Variants in SSBP2 observed in about 807,000 individuals in gnomAD.
SSBP2 encodes single stranded DNA binding protein 2.
Under a neutral mutation model 61.8 loss-of-function variants are expected in SSBP2, and 17 were observed. That is an observed-to-expected ratio of 0.28 (90% CI 0.19 to 0.41). The LOEUF is 0.41. Among genes scored for constraint, SSBP2 ranks in the 10% least tolerant of loss-of-function variants. The pLI is 1.00. For synonymous variants in SSBP2, 139 were observed against 141.3 expected, an observed-to-expected ratio of 0.98 and a Z score of 0.12; for missense variants, 310 against 458.7, an observed-to-expected ratio of 0.68 and a Z score of 2.96.
intron 3 of SSBP2, among the ~76,000 whole-genome samples, chr5:81,633,607 G>A (rs1042407306): frequency 5.3e-5 from 8 of 152,074 alleles, no homozygotes; most frequent in Non-Finnish European, 1.0e-4. Context: ...CTGGGTTCAA[G>A]TGATCCTCCC....
At chr5:81,686,888 GAAA>G (rs1752847337) in intron 1 of SSBP2, among the ~76,000 whole-genome samples, 1 of 125,288 alleles carries the variant, frequency 8.0e-6, no homozygotes, top group South Asian at 2.8e-4. Flanking sequence ...GAAAAGAAAA[GAAA>G]AGAAAAGAAA....
At chr5:81,601,307 C>G (rs1487108811) in intron 4 of SSBP2, among the ~76,000 whole-genome samples, 1 of 152,068 alleles carries the variant, frequency 6.6e-6, no homozygotes, top group Non-Finnish European at 1.5e-5. Context: ...GGGTTAGGAA[C>G]AAGTTGGTAA....
intron 8 of SSBP2, among the ~76,000 whole-genome samples, chr5:81,469,086 T>C (rs541277965): frequency 1.3e-5 from 2 of 152,116 alleles, no homozygotes; most frequent in Admixed American, 6.6e-5. Flanking sequence ...AGAAGATCTC[T>C]GTTTTATTTT....
At chr5:81,537,653 C>T (rs1770914829) in intron 4 of SSBP2, among the ~76,000 whole-genome samples, 1 of 152,104 alleles carries the variant, frequency 6.6e-6, no homozygotes, top group Non-Finnish European at 1.5e-5. Context: ...TCTTGTAATA[C>T]TTTATCATTA....
In SSBP2 at chr5:81,417,692, T is replaced by G. The variant is rs1291144669; in HGVS notation, c.*2812A>C. 6.6e-6 allele frequency: 1 copy of G among 152,192 alleles called. No homozygotes were observed. The highest frequency in any genetic ancestry group is 1.5e-5 in the Non-Finnish European group (1 of 68,026). 9.4% of individuals were successfully genotyped at this position (152,192 alleles called of 1,614,324 possible). Reference sequence around the variant, plus strand: ...AAATTAATATACAGATATACTGTCTTCCATTCAGTGCATGAAAGAATTATC... The same window carrying G: ...AAATTAATATACAGATATACTGTCTGCCATTCAGTGCATGAAAGAATTATC... On this transcript the variant is annotated 3_prime_UTR_variant, in exon 17 of 17. Transcript: ENST00000320672.
At chr5:81,664,720 T>A (rs1750968532) in intron 1 of SSBP2, among the ~76,000 whole-genome samples, 1 of 152,174 alleles carries the variant, frequency 6.6e-6, no homozygotes. Flanking sequence ...CAAACAGGAA[T>A]TTTTTAGAAA....
At chr5:81,711,332 C>A (rs1258537231) in intron 1 of SSBP2, among the ~76,000 whole-genome samples, 1 of 151,942 alleles carries the variant, frequency 6.6e-6, no homozygotes, top group East Asian at 1.9e-4. Context: ...TCCAAATATA[C>A]CAAAATATAA....
chr5:81,495,737 A>G (rs144844758), intron 5 of SSBP2, among the ~76,000 whole-genome samples: 29 of 152,348 alleles, frequency 1.9e-4, no homozygotes, highest in Admixed American at 8.5e-4. Flanking sequence ...GTAGCAATAT[A>G]TAAGTCACCT....
At chr5:81,663,922 G>A (rs904124548) in intron 1 of SSBP2, among the ~76,000 whole-genome samples, 6 of 152,120 alleles carry the variant, frequency 3.9e-5, no homozygotes, top group African/African-American at 1.4e-4. Flanking sequence ...AATAAGGCAT[G>A]CAAATTAATG....
intron 2 of SSBP2, among the ~76,000 whole-genome samples, chr5:81,646,222 G>C (rs11957810): frequency 0.33 from 49,706 of 151,926 alleles, 8,638 homozygotes; most frequent in Middle Eastern, 0.56. Flanking sequence ...TTAACATCAC[G>C]GTCCTTCTTA....
intron 1 of SSBP2, among the ~76,000 whole-genome samples, chr5:81,687,151 G>A (rs1343910823): frequency 6.6e-6 from 1 of 152,206 alleles, no homozygotes; most frequent in Non-Finnish European, 1.5e-5. Context: ...CGATCACCCG[G>A]CAGCGGCCGC....
intron 2 of SSBP2, among the ~76,000 whole-genome samples, chr5:81,638,949 A>C (rs1259002750): frequency 6.6e-6 from 1 of 152,188 alleles, no homozygotes; most frequent in Non-Finnish European, 1.5e-5. Flanking sequence ...ATCACCATTA[A>C]AATATCATTC....
chr5:81,508,498 G>A (rs1003006382), intron 5 of SSBP2, among the ~76,000 whole-genome samples: 2 of 152,042 alleles, frequency 1.3e-5, no homozygotes, highest in African/African-American at 2.4e-5. Flanking sequence ...AGCAACAGAG[G>A]CTCTCTCATT....
intron 8 of SSBP2, among the ~76,000 whole-genome samples, chr5:81,470,011 A>G (rs1765145199): frequency 6.6e-6 from 1 of 151,928 alleles, no homozygotes; most frequent in Non-Finnish European, 1.5e-5. Context: ...CCCTGTACTG[A>G]GCTAAATTCT....
At position 81,465,140 on chromosome 5, in the gene SSBP2, T is replaced by C. The variant is rs2154007052; in HGVS notation, c.638+1834A>G. Among the ~76,000 whole-genome samples the C allele has an allele frequency of 1.3e-5, 2 of 152,070 alleles. 1 individual carries two copies. Among genetic ancestry groups the C allele is most frequent in the South Asian group, 4.2e-4 (2 of 4,814 alleles). ...ATCCTGATTTTTAGAAAACTAAAAA[T>C]GGTATAGGATCTTACATAAAAGAAA... On this transcript the variant is annotated intron_variant, in intron 9 of 16. Coordinates refer to ENST00000320672, the MANE Select transcript of SSBP2 (RefSeq NM_012446.5).
In SSBP2 at chr5:81,693,477, C is replaced by G. The variant is rs140185043; in HGVS notation, c.63-43138G>C. 6.5e-3 allele frequency among the ~76,000 whole-genome samples: 990 copies of G among 152,064 alleles called. 15 individuals carry two copies. The highest frequency in any genetic ancestry group is 0.023 in the African/African-American group (947 of 41,480). ...TATATAAGGAGCTCAAACAGCTGTACAGAAAAATAATCTAATAATGTGATT... is the reference window on the plus strand; with the variant it reads ...TATATAAGGAGCTCAAACAGCTGTAGAGAAAAATAATCTAATAATGTGATT... On this transcript the variant is annotated intron_variant, in intron 1 of 16. Coordinates refer to ENST00000320672, the MANE Select transcript of SSBP2 (RefSeq NM_012446.5).
At chr5:81,649,399 G>C (rs1057440014) in intron 2 of SSBP2, among the ~76,000 whole-genome samples, 1 of 152,002 alleles carries the variant, frequency 6.6e-6, no homozygotes, top group African/African-American at 2.4e-5. Flanking sequence ...TGGTGGATTA[G>C]ATGAAGATGG....
intron 1 of SSBP2, among the ~76,000 whole-genome samples, chr5:81,739,007 A>C (rs1756815834): frequency 6.6e-6 from 1 of 151,740 alleles, no homozygotes; most frequent in African/African-American, 2.4e-5. Context: ...TCTACTAAAA[A>C]TACAAAAATT....
At chr5:81,630,142 C>T (rs1385106171) in intron 3 of SSBP2, among the ~76,000 whole-genome samples, 2 of 152,172 alleles carry the variant, frequency 1.3e-5, no homozygotes, top group Admixed American at 1.3e-4. Flanking sequence ...AGCAAATGAG[C>T]AAGCAGTAAG....
Sources: gnomAD v4.1 joint callset for allele counts (sites outside exome capture counted in the v4.1 genomes callset) on GRCh38, gnomAD v4.1.1 for gene constraint, MANE v1.5 for transcripts, NCBI Gene and HGNC (gene_info 2026-07-23, HGNC 2026-07-21) for gene names.